The following CSGALNACT1 variants were observed in gnomAD, a reference collection of about 807,000 sequenced individuals.
CSGALNACT1 encodes the protein beta4GalNAcT-1.
In CSGALNACT1, 52 loss-of-function variants were observed where a neutral mutation model predicts 51.0. That is an observed-to-expected ratio of 1.02 (90% CI 0.82 to 1.29). The LOEUF is 1.29. Ranked by LOEUF, CSGALNACT1 falls within the 50% of genes most tolerant of loss-of-function variation. CSGALNACT1 has a pLI of 0.00. For synonymous variants in CSGALNACT1, 341 were observed against 254.4 expected (o/e 1.34, Z -3.24); for missense variants, 935 against 679.2 (o/e 1.38, Z -4.19).
intron 1 of CSGALNACT1, among the ~76,000 whole-genome samples, chr8:19,661,520 G>A (rs2058741863): frequency 6.6e-6 from 1 of 152,238 alleles, no homozygotes; most frequent in South Asian, 2.1e-4. Context: ...GCCCATAGCT[G>A]CTCCAGGACC....
chr8:19,686,641 C>T (rs1421315542), upstream of CSGALNACT1, among the ~76,000 whole-genome samples: 1 of 152,214 alleles, frequency 6.6e-6, no homozygotes, highest in African/African-American at 2.4e-5. Flanking sequence ...ACATTGGCCA[C>T]ATAGAACTTC....
intron 2 of CSGALNACT1, among the ~76,000 whole-genome samples, chr8:19,591,612 T>C (rs985910405): frequency 6.6e-6 from 1 of 152,148 alleles, no homozygotes; most frequent in African/African-American, 2.4e-5. Context: ...GGACTAGTAA[T>C]TGACTGATAG....
chr8:19,494,785 C>G (rs1008741918), intron 4 of CSGALNACT1, among the ~76,000 whole-genome samples: 2 of 151,382 alleles, frequency 1.3e-5, no homozygotes, highest in African/African-American at 4.9e-5. Flanking sequence ...CCTCTGACAG[C>G]TGCATTTTCC....
chr8:19,464,568 C>G (rs375347507), intron 4 of CSGALNACT1, among the ~76,000 whole-genome samples: 1 of 151,990 alleles, frequency 6.6e-6, no homozygotes, highest in Non-Finnish European at 1.5e-5. Flanking sequence ...GGTACCAGTC[C>G]GTGGCCTGTT....
intron 3 of CSGALNACT1, among the ~76,000 whole-genome samples, chr8:19,514,510 T>TATATATATATATAC (rs1422248108): frequency 2.7e-4 from 36 of 133,048 alleles, no homozygotes; most frequent in South Asian, 4.9e-4. Flanking sequence ...TATATATATA[T>TATATATATATATAC]ACATGTATCT....
intron 3 of CSGALNACT1, among the ~76,000 whole-genome samples, chr8:19,575,981 C>G (rs2044115857): frequency 6.6e-6 from 1 of 151,920 alleles, no homozygotes; most frequent in South Asian, 2.1e-4. Context: ...TCTAAGTTCC[C>G]CTTCCTTTCT....
At chr8:19,451,918 G>T (rs1586318490) in intron 5 of CSGALNACT1, among the ~76,000 whole-genome samples, 1 of 152,206 alleles carries the variant, frequency 6.6e-6, no homozygotes, top group African/African-American at 2.4e-5. Flanking sequence ...ACACATAAAA[G>T]ATTCCTCAAC....
intron 8 of CSGALNACT1, among the ~76,000 whole-genome samples, chr8:19,412,379 C>G (rs2055977896): frequency 6.6e-6 from 1 of 152,246 alleles, no homozygotes; most frequent in Non-Finnish European, 1.5e-5. Context: ...ATCAGCATCT[C>G]TCCCCAAAGA....
intron 1 of CSGALNACT1, among the ~76,000 whole-genome samples, chr8:19,666,809 AAGAGAGAGAGAGAGAGAGAG>A (rs375633259): frequency 4.0e-5 from 1 of 25,064 alleles, no homozygotes; most frequent in African/African-American, 2.5e-4. Context: ...GAAAGAAAGA[AAGAGAGAGAGAGAGAGAGAG>A]AGAGAAAGAA....
chr8:19,476,507 G>A (rs763392348), intron 4 of CSGALNACT1, among the ~76,000 whole-genome samples: 2 of 152,112 alleles, frequency 1.3e-5, no homozygotes, highest in Non-Finnish European at 2.9e-5. Flanking sequence ...CTCCCAAAGT[G>A]CTGGGGTTAC....
chr8:19,489,269 G>A (rs1272973495), intron 4 of CSGALNACT1, among the ~76,000 whole-genome samples: 1 of 152,030 alleles, frequency 6.6e-6, no homozygotes, highest in African/African-American at 2.4e-5. Flanking sequence ...AATACAGATA[G>A]GGAAGAATGA....
intron 1 of CSGALNACT1, among the ~76,000 whole-genome samples, chr8:19,721,040 A>ACATGAGAT (rs1315327874): frequency 2.0e-5 from 3 of 152,172 alleles, no homozygotes; most frequent in Non-Finnish European, 4.4e-5. Context: ...GTGACAATAA[A>ACATGAGAT]CATGAGATCC....
At chr8:19,486,468 C>G (rs547794669) in intron 4 of CSGALNACT1, among the ~76,000 whole-genome samples, 11 of 152,210 alleles carry the variant, frequency 7.2e-5, no homozygotes, top group Non-Finnish European at 1.6e-4. Flanking sequence ...ATGCCCCTCC[C>G]CTACTTCTCA....
chr8:19,610,364 G>C (rs2052060533), intron 1 of CSGALNACT1, among the ~76,000 whole-genome samples: 1 of 151,236 alleles, frequency 6.6e-6, no homozygotes, highest in South Asian at 2.1e-4. Context: ...CGTGGTCCCT[G>C]GCTAGGATTC....
chr8:19,542,755 T>C (rs2085515086), intron 3 of CSGALNACT1, among the ~76,000 whole-genome samples: 1 of 152,192 alleles, frequency 6.6e-6, no homozygotes. Flanking sequence ...TTTTTTAGGA[T>C]AGCTGTCACG....
At chr8:19,518,267 G>A (rs1197585195) in intron 3 of CSGALNACT1, among the ~76,000 whole-genome samples, 4 of 152,126 alleles carry the variant, frequency 2.6e-5, no homozygotes, top group African/African-American at 9.7e-5. Flanking sequence ...CTGAAAAGTG[G>A]AGCCCCAGAC....
intron 5 of CSGALNACT1, among the ~76,000 whole-genome samples, chr8:19,456,504 T>G (rs1420139487): frequency 6.6e-6 from 1 of 152,226 alleles, no homozygotes; most frequent in Non-Finnish European, 1.5e-5. Flanking sequence ...GTTCAACAAC[T>G]GCATTCAGAA....
At chr8:19,497,368 G>C (rs2075675372) in intron 4 of CSGALNACT1, among the ~76,000 whole-genome samples, 1 of 152,010 alleles carries the variant, frequency 6.6e-6, no homozygotes, top group Non-Finnish European at 1.5e-5. Flanking sequence ...CAAACACAAG[G>C]TATCTCAAAA....
intron 3 of CSGALNACT1, among the ~76,000 whole-genome samples, chr8:19,565,761 A>C (rs1248974733): frequency 6.6e-6 from 1 of 152,188 alleles, no homozygotes; most frequent in African/African-American, 2.4e-5. Flanking sequence ...TCTACTAAAA[A>C]TGCAAAAATT....
Sources: allele counts gnomAD v4.1 joint callset (sites outside exome capture counted in the v4.1 genomes callset), GRCh38; gene constraint gnomAD v4.1.1; transcripts MANE v1.5; gene names NCBI Gene and HGNC (gene_info 2026-07-23, HGNC 2026-07-21).